The following ASTN2 variants were observed in gnomAD, a reference collection of about 807,000 sequenced individuals.
ASTN2 encodes astrotactin-2.
Under a neutral mutation model 139.8 loss-of-function variants are expected in ASTN2, and 54 were observed. The observed-to-expected ratio is 0.39, with a 90% CI of 0.31 to 0.48. The LOEUF is 0.48. ASTN2 is among the 20% of genes least tolerant of loss of function. The pLI, the probability that ASTN2 is intolerant of heterozygous loss-of-function variation, is 0.95. For missense variants in ASTN2, 1,565 were observed against 1,725.1 expected, an observed-to-expected ratio of 0.91 and a Z score of 1.64; for synonymous variants, 756 against 719.5, an observed-to-expected ratio of 1.05 and a Z score of -0.81.
Position 117,096,165 on chromosome 9 carries a change from C to T in ASTN2, c.1169-14G>A, listed in dbSNP as rs1564423908. 1 of 1,606,226 alleles carries T rather than the reference C, an allele frequency of 6.2e-7. No homozygotes were observed. The highest frequency in any genetic ancestry group is 2.2e-5 in the East Asian group (1 of 44,772). ...AGCTGATTCCTCCTGTGAGTAAGCA[C>T]AGTCTATCAGTTAGTCTCCCAGGCC... On this transcript the variant is annotated splice_polypyrimidine_tract_variant and intron_variant, in intron 4 of 22. Coordinates refer to ENST00000313400, the MANE Select transcript of ASTN2 (RefSeq NM_001365068.1).
chr9:116,472,359 C>T (rs1397866944), intron 20 of ASTN2, among the ~76,000 whole-genome samples: 2 of 152,166 alleles, frequency 1.3e-5, no homozygotes, highest in Non-Finnish European at 2.9e-5. Context: ...AGACCTAGCT[C>T]AAAGGCACCT....
chr9:117,359,406 T>C (rs1587978983), intron 1 of ASTN2, among the ~76,000 whole-genome samples: 1 of 152,238 alleles, frequency 6.6e-6, no homozygotes, highest in East Asian at 1.9e-4. Flanking sequence ...ATATTTTCCA[T>C]TTTTGGCTCA....
intron 2 of ASTN2, among the ~76,000 whole-genome samples, chr9:117,277,582 T>C (rs1371439865): frequency 6.6e-6 from 1 of 152,154 alleles, no homozygotes; most frequent in Non-Finnish European, 1.5e-5. Flanking sequence ...AGGTAATTCT[T>C]ATGTAGGAAG....
At chr9:116,869,592 TTTAA>T (rs1833103461) in intron 10 of ASTN2, among the ~76,000 whole-genome samples, 3 of 152,168 alleles carry the variant, frequency 2.0e-5, no homozygotes, top group African/African-American at 7.2e-5. Context: ...AAAGACCAAC[TTTAA>T]TTAAATACCT....
intron 16 of ASTN2, among the ~76,000 whole-genome samples, chr9:116,670,629 T>G (rs1162096797): frequency 6.6e-6 from 1 of 151,768 alleles, no homozygotes; most frequent in Non-Finnish European, 1.5e-5. Flanking sequence ...GTTGATGGAG[T>G]GGTTAATGGC....
intron 1 of ASTN2, among the ~76,000 whole-genome samples, chr9:117,301,771 A>T (rs193048627): frequency 3.6e-4 from 55 of 152,234 alleles, no homozygotes; most frequent in African/African-American, 1.2e-3. Flanking sequence ...ATCTCCTGGG[A>T]AAGAGGTATA....
At chr9:117,043,495 C>A (rs1337239773) in intron 5 of ASTN2, among the ~76,000 whole-genome samples, 1 of 152,134 alleles carries the variant, frequency 6.6e-6, no homozygotes, top group African/African-American at 2.4e-5. Flanking sequence ...AATTTTTGGT[C>A]TGGGGAAAGA....
intron 2 of ASTN2, among the ~76,000 whole-genome samples, chr9:117,243,103 ATTC>A (rs531080534): frequency 9.1e-4 from 139 of 152,306 alleles, no homozygotes; most frequent in African/African-American, 3.2e-3. Context: ...ACATATTGCT[ATTC>A]TTCTTTCCTA....
chr9:116,475,640 A>G, intron 20 of ASTN2, among the ~76,000 whole-genome samples: 1 of 152,190 alleles, frequency 6.6e-6, no homozygotes, highest in Non-Finnish European at 1.5e-5. Flanking sequence ...TAAACATTCA[A>G]GGTCACTCAA....
At chr9:116,520,310 G>A (rs1285985194) in intron 19 of ASTN2, among the ~76,000 whole-genome samples, 5 of 152,134 alleles carry the variant, frequency 3.3e-5, no homozygotes, top group Admixed American at 6.5e-5. Context: ...CCATGATCAA[G>A]TGGATTTCAT....
chr9:117,190,528 G>C (rs995037844), intron 3 of ASTN2, among the ~76,000 whole-genome samples: 1 of 152,084 alleles, frequency 6.6e-6, no homozygotes, highest in Non-Finnish European at 1.5e-5. Context: ...GGAAGAGTCA[G>C]TGTCCCTTTC....
intron 1 of ASTN2, among the ~76,000 whole-genome samples, chr9:117,350,698 C>T (rs112206537): frequency 1.5e-4 from 23 of 152,134 alleles, no homozygotes; most frequent in African/African-American, 4.3e-4. Context: ...TGGCAGAGCA[C>T]GCTGGGCAGT....
chr9:117,035,550 TC>T (rs529815780), intron 6 of ASTN2, among the ~76,000 whole-genome samples: 37 of 152,300 alleles, frequency 2.4e-4, no homozygotes, highest in African/African-American at 7.2e-4. Flanking sequence ...ATTTTCTAGA[TC>T]CTTCTCTACT....
At chr9:117,381,252 G>C (rs1830262299) in intron 1 of ASTN2, among the ~76,000 whole-genome samples, 1 of 152,188 alleles carries the variant, frequency 6.6e-6, no homozygotes, top group African/African-American at 2.4e-5. Flanking sequence ...ACTGCTAATG[G>C]TTGTGGGGTT....
chr9:117,128,535 C>T (rs1284820673), intron 4 of ASTN2, among the ~76,000 whole-genome samples: 1 of 152,086 alleles, frequency 6.6e-6, no homozygotes, highest in Non-Finnish European at 1.5e-5. Flanking sequence ...AATTTCTAAT[C>T]TTGTGGCTAA....
At chr9:116,604,045 T>C (rs962023567) in intron 19 of ASTN2, among the ~76,000 whole-genome samples, 1 of 152,088 alleles carries the variant, frequency 6.6e-6, no homozygotes, top group Non-Finnish European at 1.5e-5. Context: ...AGCATCTGAG[T>C]TACCTCAGCA....
chr9:116,589,616 T>C (rs1028581928), intron 19 of ASTN2, among the ~76,000 whole-genome samples: 3 of 152,140 alleles, frequency 2.0e-5, no homozygotes, highest in African/African-American at 7.2e-5. Context: ...GCGAAGGGAA[T>C]AGAAAGGAGC....
chr9:117,114,791 A>G (rs2132796302), intron 4 of ASTN2, among the ~76,000 whole-genome samples: 1 of 152,318 alleles, frequency 6.6e-6, no homozygotes, highest in East Asian at 1.9e-4. Context: ...AATGTCACTT[A>G]GTTCTCCTGG....
intron 11 of ASTN2, among the ~76,000 whole-genome samples, chr9:116,840,939 G>A (rs1030072751): frequency 2.0e-5 from 3 of 151,472 alleles, no homozygotes; most frequent in African/African-American, 4.9e-5. Context: ...GACGATAGGC[G>A]GCCAGGCGGA....
Sources: allele counts gnomAD v4.1 joint callset (sites outside exome capture counted in the v4.1 genomes callset), GRCh38; gene constraint gnomAD v4.1.1; transcripts MANE v1.5; gene names NCBI Gene and HGNC (gene_info 2026-07-23, HGNC 2026-07-21).